HS6ST3: variants seen among roughly 807,000 people sequenced by gnomAD.
HS6ST3 encodes the protein heparan sulfate 6-O-sulfotransferase 3, also known as heparan-sulfate 6-O-sulfotransferase 3.
HS6ST3 carries 12 observed loss-of-function variants against 36.7 expected under a neutral mutation model. The observed-to-expected ratio is 0.33, with a 90% CI of 0.21 to 0.53. The LOEUF (loss-of-function observed/expected upper bound fraction) is 0.53. HS6ST3 is among the 20% of genes least tolerant of loss of function. The pLI is 0.95. For synonymous variants in HS6ST3, 240 were observed against 257.5 expected, an observed-to-expected ratio of 0.93 and a Z score of 0.65; for missense variants, 584 against 640.9, an observed-to-expected ratio of 0.91 and a Z score of 0.96.
In HS6ST3 at chr13:96,315,107, A is replaced by C. The variant is rs80227289; in HGVS notation, c.707+223538A>C. ...GTTACTAAACAGAAAGTCTTTCTTC[A>C]TGCTGAATATATCAGCTGTAGAGGA... On this transcript the variant is annotated intron_variant, in intron 1 of 1. Transcript: ENST00000376705. Among the ~76,000 whole-genome samples the C allele has an allele frequency of 3.3e-3, 509 of 152,342 alleles. 3 individuals carry two copies. Among genetic ancestry groups the C allele is most frequent in the African/African-American group, 0.012 (489 of 41,578 alleles).
rs1879005786 is a variant in HS6ST3, at chr13:96,839,032, T to C, written c.*5834T>C. 1 of 152,232 alleles carries C rather than the reference T, an allele frequency of 6.6e-6. No individual in the cohort carries two copies. Among genetic ancestry groups the C allele is most frequent in the Admixed American group, 6.5e-5 (1 of 15,286 alleles). 9.4% of individuals were successfully genotyped at this position (152,232 alleles called of 1,614,324 possible). A position where few individuals can be genotyped will look rare whatever the true frequency, so the allele number is the denominator to read the frequency against. On this transcript the variant is annotated 3_prime_UTR_variant, in exon 2 of 2. Transcript: ENST00000376705. Reference sequence around the variant, plus strand: ...AACTGTCATCCTTTGGCACACTCAGTGGAACCTGTGTGAGCTACATGTTCT... The same window carrying C: ...AACTGTCATCCTTTGGCACACTCAGCGGAACCTGTGTGAGCTACATGTTCT...
intron 1 of HS6ST3, among the ~76,000 whole-genome samples, chr13:96,303,088 C>T (rs1162842446): frequency 6.6e-6 from 1 of 152,078 alleles, no homozygotes; most frequent in Non-Finnish European, 1.5e-5. Flanking sequence ...TTACAGAAAA[C>T]GTTTTTTGAC....
chr13:96,364,461 G>A (rs550810510), intron 1 of HS6ST3, among the ~76,000 whole-genome samples: 1 of 152,126 alleles, frequency 6.6e-6, no homozygotes, highest in African/African-American at 2.4e-5. Context: ...TGTTGCAACA[G>A]GGATGCACCT....
chr13:96,266,553 T>A (rs1040245991), intron 1 of HS6ST3, among the ~76,000 whole-genome samples: 22 of 152,302 alleles, frequency 1.4e-4, no homozygotes, highest in African/African-American at 5.3e-4. Flanking sequence ...CATCTTTTTT[T>A]CCTAAAAGGG....
chr13:96,215,621 G>C (rs537039053), intron 1 of HS6ST3, among the ~76,000 whole-genome samples: 1 of 151,712 alleles, frequency 6.6e-6, no homozygotes, highest in East Asian at 1.9e-4. Context: ...CAATTTCTTT[G>C]TTGTTAAAAA....
intron 1 of HS6ST3, among the ~76,000 whole-genome samples, chr13:96,652,286 A>G (rs1383524079): frequency 1.3e-5 from 2 of 152,036 alleles, no homozygotes; most frequent in African/African-American, 2.4e-5. Context: ...ATACACACAT[A>G]TGAATGTGTT....
intron 1 of HS6ST3, among the ~76,000 whole-genome samples, chr13:96,576,204 G>T (rs2056320492): frequency 6.6e-6 from 1 of 152,180 alleles, no homozygotes; most frequent in African/African-American, 2.4e-5. Context: ...GTCCTGTGCT[G>T]CTTGAGAGGA....
chr13:96,126,348 GT>G (rs1410427898), intron 1 of HS6ST3, among the ~76,000 whole-genome samples: 2 of 152,218 alleles, frequency 1.3e-5, no homozygotes, highest in Admixed American at 1.3e-4. Flanking sequence ...TGATGCTACA[GT>G]TTGCTGCTTC....
At chr13:96,346,244 A>G (rs769534651) in intron 1 of HS6ST3, among the ~76,000 whole-genome samples, 7 of 152,158 alleles carry the variant, frequency 4.6e-5, no homozygotes, top group Non-Finnish European at 8.8e-5. Context: ...ATCTATTGGA[A>G]CTAGTTGTGT....
intron 1 of HS6ST3, among the ~76,000 whole-genome samples, chr13:96,554,942 G>A (rs1207111152): frequency 1.3e-5 from 2 of 151,912 alleles, no homozygotes; most frequent in African/African-American, 4.8e-5. Flanking sequence ...TAATCTGGGT[G>A]TGTGTTGTAC....
intron 1 of HS6ST3, among the ~76,000 whole-genome samples, chr13:96,115,352 T>C (rs146418083): frequency 1.1e-4 from 16 of 152,300 alleles, no homozygotes; most frequent in Admixed American, 3.3e-4. Context: ...ACGTGTACCA[T>C]GGTGGTTTGC....
At chr13:96,675,327 T>A in intron 1 of HS6ST3, among the ~76,000 whole-genome samples, 1 of 152,172 alleles carries the variant, frequency 6.6e-6, no homozygotes, top group Admixed American at 6.6e-5. Context: ...TATATTTATA[T>A]GTGAACATAT....
chr13:96,610,864 A>C (rs554645165), intron 1 of HS6ST3, among the ~76,000 whole-genome samples: 77 of 149,616 alleles, frequency 5.1e-4, no homozygotes, highest in African/African-American at 9.6e-4. Flanking sequence ...AAAAAAAAAA[A>C]CAAAAAACAA....
At chr13:96,398,102 C>A (rs1239528427) in intron 1 of HS6ST3, among the ~76,000 whole-genome samples, 2 of 152,056 alleles carry the variant, frequency 1.3e-5, no homozygotes, top group Non-Finnish European at 2.9e-5. Flanking sequence ...GGGATAATAA[C>A]CCTATCTTAT....
chr13:96,656,996 T>TGAGA lies in HS6ST3; in HGVS notation c.708-175493_708-175492insAGAG, dbSNP rs1175623855. On this transcript the variant is annotated intron_variant, in intron 1 of 1. Transcript: ENST00000376705. ...GTGTGTGTGTGTGTGTGTGTGTGTG[T>TGAGA]GTGAGAGAGAGAGAGAGAGAGAGAG... 3.9e-3 allele frequency among the ~76,000 whole-genome samples: 486 copies of TGAGA among 124,098 alleles called. 1 individual carries two copies. Among genetic ancestry groups the TGAGA allele is most frequent in the Middle Eastern group, 4.3e-3 (1 of 234 alleles). 81.4% of individuals were successfully genotyped at this position (124,098 alleles called of 152,430 possible). A position where few individuals can be genotyped will look rare whatever the true frequency, so the allele number is the denominator to read the frequency against.
At chr13:96,606,106 C>T (rs1438256415) in intron 1 of HS6ST3, among the ~76,000 whole-genome samples, 1 of 152,026 alleles carries the variant, frequency 6.6e-6, no homozygotes, top group Non-Finnish European at 1.5e-5. Context: ...GAAAAGGGGA[C>T]ACTTATACAC....
intron 1 of HS6ST3, among the ~76,000 whole-genome samples, chr13:96,285,525 A>G (rs1350737903): frequency 2.6e-5 from 4 of 152,198 alleles, no homozygotes; most frequent in Non-Finnish European, 5.9e-5. Context: ...TCTAATAGTT[A>G]TCTGCCTTAG....
intron 1 of HS6ST3, among the ~76,000 whole-genome samples, chr13:96,119,506 C>T (rs2053914876): frequency 6.6e-6 from 1 of 152,048 alleles, no homozygotes; most frequent in Non-Finnish European, 1.5e-5. Flanking sequence ...AATTGAGACT[C>T]AGGACAAATT....
intron 1 of HS6ST3, among the ~76,000 whole-genome samples, chr13:96,612,002 G>T (rs2056458663): frequency 6.6e-6 from 1 of 152,158 alleles, no homozygotes. Context: ...CAGTTAGGGG[G>T]CTGACTCGTC....
Sources: allele counts gnomAD v4.1 joint callset (sites outside exome capture counted in the v4.1 genomes callset), GRCh38; gene constraint gnomAD v4.1.1; transcripts MANE v1.5; gene names NCBI Gene and HGNC (gene_info 2026-07-23, HGNC 2026-07-21).